KIF16B: variants seen among roughly 807,000 people sequenced by gnomAD.
KIF16B encodes kinesin family member 16B, also known as kinesin-like protein KIF16B.
In KIF16B, 98 loss-of-function variants were observed where a neutral mutation model predicts 156.3. The observed-to-expected ratio is 0.63, with a 90% CI of 0.53 to 0.74. The LOEUF (loss-of-function observed/expected upper bound fraction) is 0.74. Ranked by LOEUF, KIF16B falls within the 30% of genes least tolerant of loss-of-function variation. KIF16B has a pLI of 0.00. For missense variants in KIF16B, 1,421 were observed against 1,606.5 expected (o/e 0.88, Z 1.97); for synonymous variants, 564 against 583.7 (o/e 0.97, Z 0.49).
At chr20:16,445,382 A>C (rs1196737791) in intron 12 of KIF16B, among the ~76,000 whole-genome samples, 2 of 150,772 alleles carry the variant, frequency 1.3e-5, no homozygotes, top group African/African-American at 4.9e-5. Flanking sequence ...ATATTTATTC[A>C]TTCTTATTTA....
chr20:16,543,381 GCTC>G (rs1368295814), intron 1 of KIF16B, among the ~76,000 whole-genome samples: 2 of 152,102 alleles, frequency 1.3e-5, no homozygotes, highest in Non-Finnish European at 2.9e-5. Flanking sequence ...CAACCGAGGT[GCTC>G]CTCTTCTGAG....
intron 12 of KIF16B, among the ~76,000 whole-genome samples, chr20:16,445,092 C>T (rs1047198314): frequency 2.6e-5 from 4 of 152,106 alleles, no homozygotes; most frequent in Non-Finnish European, 2.9e-5. Context: ...GTCCTAGCTA[C>T]TCAGCAGGCT....
chr20:16,365,668 T>C (rs1469263684), intron 22 of KIF16B, among the ~76,000 whole-genome samples: 1 of 152,208 alleles, frequency 6.6e-6, no homozygotes, highest in Non-Finnish European at 1.5e-5. Flanking sequence ...AGAGGGAAGA[T>C]GAGCAGTTCC....
At chr20:16,506,875 G>A (rs1036707826) in intron 7 of KIF16B, among the ~76,000 whole-genome samples, 6 of 151,738 alleles carry the variant, frequency 4.0e-5, no homozygotes, top group African/African-American at 1.5e-4. Flanking sequence ...TGGGAGGATC[G>A]CTTGAGCCCA....
chr20:16,303,519 C>A (rs2063500932), intron 25 of KIF16B, among the ~76,000 whole-genome samples: 2 of 152,230 alleles, frequency 1.3e-5, no homozygotes, highest in Non-Finnish European at 2.9e-5. Context: ...AGCAAGCACT[C>A]AAACCCATGT....
At chr20:16,461,718 C>T (rs8120085) in intron 12 of KIF16B, among the ~76,000 whole-genome samples, 11,928 of 152,054 alleles carry the variant, frequency 0.078, 668 homozygotes, top group African/African-American at 0.15. Context: ...TTTTAGTGAC[C>T]TAGGTTATTA....
intron 12 of KIF16B, among the ~76,000 whole-genome samples, chr20:16,482,507 C>T (rs899083475): frequency 6.6e-6 from 1 of 151,904 alleles, no homozygotes; most frequent in Non-Finnish European, 1.5e-5. Context: ...AGAACACACC[C>T]GCATTTGGAG....
chr20:16,347,526 A>G (rs74610680), intron 23 of KIF16B, among the ~76,000 whole-genome samples: 2,301 of 152,324 alleles, frequency 0.015, 58 homozygotes, highest in African/African-American at 0.05. Context: ...AAGGAAGGGC[A>G]ATATAAAAGA....
chr20:16,306,144 T>A (rs1043083651), intron 25 of KIF16B, among the ~76,000 whole-genome samples: 4 of 152,240 alleles, frequency 2.6e-5, no homozygotes, highest in Non-Finnish European at 5.9e-5. Flanking sequence ...GAAGCTTGCA[T>A]GGTTCCTGTG....
chr20:16,490,293 A>G (rs2068249332), intron 12 of KIF16B, among the ~76,000 whole-genome samples: 2 of 152,096 alleles, frequency 1.3e-5, no homozygotes, highest in Non-Finnish European at 2.9e-5. Flanking sequence ...CACGCCTGCA[A>G]CACTTTGGAG....
Position 16,366,054 on chromosome 20 carries a change from C to G in KIF16B, c.3498+4532G>C, listed in dbSNP as rs1412470739. On this transcript the variant is annotated intron_variant, in intron 22 of 25. Coordinates refer to ENST00000354981, the MANE Select transcript of KIF16B (RefSeq NM_024704.5). ...TAAAAACAAATACAAAATATGTAACCTGATAGGATTTTTGGACAGAGGGGG... is the reference window on the plus strand; with the variant it reads ...TAAAAACAAATACAAAATATGTAACGTGATAGGATTTTTGGACAGAGGGGG... Among the ~76,000 whole-genome samples the G allele has an allele frequency of 3.0e-5, 4 of 133,070 alleles. No homozygotes were observed. The East Asian group carries it at 1.0e-3, about 35-fold the overall frequency. 87.3% of individuals were successfully genotyped at this position (133,070 alleles called of 152,430 possible). A position where few individuals can be genotyped will look rare whatever the true frequency, so the allele number is the denominator to read the frequency against.
chr20:16,282,448 G>T (rs1441660156), intron 25 of KIF16B, among the ~76,000 whole-genome samples: 4 of 151,908 alleles, frequency 2.6e-5, no homozygotes, highest in African/African-American at 9.7e-5. Flanking sequence ...GACTATGAGA[G>T]AACTGCAATG....
chr20:16,407,338 T>C (rs967803638), intron 15 of KIF16B, among the ~76,000 whole-genome samples: 1 of 152,156 alleles, frequency 6.6e-6, no homozygotes, highest in Non-Finnish European at 1.5e-5. Flanking sequence ...GCCACGTGTA[T>C]GGTCCCATCC....
intron 15 of KIF16B, among the ~76,000 whole-genome samples, chr20:16,418,976 C>G (rs936276798): frequency 6.6e-6 from 1 of 152,070 alleles, no homozygotes; most frequent in Admixed American, 6.6e-5. Context: ...AATTTACAAA[C>G]CTTGTCATTC....
At chr20:16,325,699 T>C (rs2063835434) in intron 24 of KIF16B, among the ~76,000 whole-genome samples, 2 of 152,082 alleles carry the variant, frequency 1.3e-5, no homozygotes, top group Non-Finnish European at 2.9e-5. Flanking sequence ...AGAATCAATA[T>C]TGTGAAAATG....
chr20:16,476,302 T>C (rs1351256591), intron 12 of KIF16B, among the ~76,000 whole-genome samples: 2 of 152,240 alleles, frequency 1.3e-5, no homozygotes, highest in Non-Finnish European at 2.9e-5. Flanking sequence ...CAATTGTCAA[T>C]TGTATTATAC....
chr20:16,397,334 C>T (rs2065531929), intron 17 of KIF16B, among the ~76,000 whole-genome samples: 1 of 152,222 alleles, frequency 6.6e-6, no homozygotes, highest in African/African-American at 2.4e-5. Context: ...CCAAGTATCA[C>T]GCATGTGTGC....
chr20:16,472,289 T>A (rs938871828), intron 12 of KIF16B, among the ~76,000 whole-genome samples: 9 of 152,170 alleles, frequency 5.9e-5, no homozygotes, highest in Non-Finnish European at 1.2e-4. Flanking sequence ...TGCCAATCCC[T>A]CTTGTAGGCA....
At chr20:16,487,122 G>A (rs1264647802) in intron 12 of KIF16B, among the ~76,000 whole-genome samples, 1 of 152,016 alleles carries the variant, frequency 6.6e-6, no homozygotes, top group Non-Finnish European at 1.5e-5. Flanking sequence ...GCGTGGTGGT[G>A]GGTGCCTGTA....
Sources: gnomAD v4.1 joint callset for allele counts (sites outside exome capture counted in the v4.1 genomes callset) on GRCh38, gnomAD v4.1.1 for gene constraint, MANE v1.5 for transcripts, NCBI Gene and HGNC (gene_info 2026-07-23, HGNC 2026-07-21) for gene names.